TPCN2: variants seen among roughly 807,000 people sequenced by gnomAD.
TPCN2 encodes two pore segment channel 2.
In TPCN2, 92 loss-of-function variants were observed where a neutral mutation model predicts 111.4. That is an observed-to-expected ratio of 0.83 (90% CI 0.70 to 0.98). TPCN2 has a LOEUF of 0.98. TPCN2 is among the 50% of genes least tolerant of loss of function. The probability of loss-of-function intolerance (pLI) is 0.00; values close to 1 mark genes in which losing one functional copy is unlikely to be tolerated. For missense variants in TPCN2, 995 were observed against 980.1 expected (o/e 1.02, Z -0.20); for synonymous variants, 405 against 414.5 (o/e 0.98, Z 0.28).
At chr11:69,072,466 C>T (rs1314724869) in intron 11 of TPCN2, among the ~76,000 whole-genome samples, 161 bp from the exon 12 acceptor site, 1 of 151,904 alleles carries the variant, frequency 6.6e-6, no homozygotes, top group African/African-American at 2.4e-5. Flanking sequence ...GGGGGGACGG[C>T]AGTGGCAGGA....
intron 4 of TPCN2, among the ~76,000 whole-genome samples, chr11:69,057,079 C>T (rs1436279130): frequency 6.6e-6 from 1 of 152,108 alleles, no homozygotes; most frequent in Non-Finnish European, 1.5e-5. Flanking sequence ...CTTGAGTGAT[C>T]CGCCCACCTC....
At chr11:69,066,881 T>C (rs1379719495) in intron 7 of TPCN2, among the ~76,000 whole-genome samples, 1 of 152,142 alleles carries the variant, frequency 6.6e-6, no homozygotes, top group Non-Finnish European at 1.5e-5. Context: ...GCAGAGTTGC[T>C]TTCCGAGCAG....
rs3750973 is a variant in TPCN2, at chr11:69,057,569, A to G, written c.430-9A>G. ...CTACTTGCTGCTCACCCGCCCGTCT[A>G]TCTTGCAGGGTTACCTGTTCGGGTG... is the stretch of plus-strand genomic sequence containing the variant. On this transcript the variant is annotated splice_polypyrimidine_tract_variant and intron_variant, in intron 4 of 24. Transcript: ENST00000294309. 9.3e-6 allele frequency: 15 copies of G among 1,613,722 alleles called. No homozygotes were observed. The African/African-American group carries it at 1.1e-4, about 11-fold the overall frequency.
intron 8 of TPCN2, among the ~76,000 whole-genome samples, chr11:69,069,179 G>C (rs61881022): frequency 0.046 from 2,875 of 62,004 alleles, 2 homozygotes; most frequent in Non-Finnish European, 0.066. Flanking sequence ...AGGACTGTCT[G>C]AGTCCTAGCA....
Position 69,078,536 on chromosome 11 carries a change from T to C in TPCN2, c.1285T>C (p.Phe429Leu). ...GTTTCTGCAGAGCGCCCAGTTCCTC[T>C]TCGGCCACTACTACTTTGACTACCT... ...SPFLQSAQFL[F>L]GHYYFDYLGN... The change falls in exon 14 of 25, where the codon TTC becomes CTC. Residue 429 changes from phenylalanine to leucine, a missense_variant. Coordinates refer to ENST00000294309, the MANE Select transcript of TPCN2 (RefSeq NM_139075.4). 6.2e-7 allele frequency: 1 copy of C among 1,614,172 alleles called. No homozygotes were observed. The highest frequency in any genetic ancestry group is 8.5e-7 in the Non-Finnish European group (1 of 1,180,030).
intron 6 of TPCN2, 89 bp downstream of exon 6, chr11:69,063,079 C>A: frequency 8.4e-7 from 1 of 1,190,912 alleles, no homozygotes; most frequent in South Asian, 1.2e-5. Flanking sequence ...CCACCGGAGT[C>A]TCATCTTGGA....
At chr11:69,081,591 C>A in intron 18 of TPCN2, 92 bp downstream of exon 18, 2 of 951,368 alleles carry the variant, frequency 2.1e-6, no homozygotes, top group Non-Finnish European at 3.1e-6. Context: ...AGGAAGGGCC[C>A]GAGGACTGTG....
Position 69,072,716 on chromosome 11 carries a change from C to A in TPCN2, c.1143+8C>A. On this transcript the variant is annotated splice_region_variant and intron_variant, in intron 12 of 24. Transcript: ENST00000294309. Reference sequence around the variant, plus strand: ...AAACAGGCCATGATGGAGGTACCCGCCCCCTGCTCCCAGCCTCCTCTGGGC... The same window carrying A: ...AAACAGGCCATGATGGAGGTACCCGACCCCTGCTCCCAGCCTCCTCTGGGC... 1 of 1,613,090 alleles carries A rather than the reference C, an allele frequency of 6.2e-7. No individual in the cohort carries two copies. The highest frequency in any genetic ancestry group is 8.5e-7 in the Non-Finnish European group (1 of 1,179,600).
intron 1 of TPCN2, among the ~76,000 whole-genome samples, chr11:69,050,436 C>T (rs1009511829): frequency 5.3e-5 from 8 of 152,190 alleles, no homozygotes; most frequent in African/African-American, 1.4e-4. Flanking sequence ...AGTGCAGTGG[C>T]GTGATCTCGG....
At chr11:69,055,151 T>C in intron 3 of TPCN2, 24 bp from the exon 4 acceptor site, 1 of 1,610,346 alleles carries the variant, frequency 6.2e-7, no homozygotes, top group South Asian at 1.1e-5. Flanking sequence ...CTCCTGTGTT[T>C]TCATGTTTCT....
chr11:69,054,779 A>T lies in TPCN2; in HGVS notation c.233A>T (p.Tyr78Phe). The stretch of plus-strand genomic sequence containing the variant: ...TCGATGTGGCTTTACCGACGGTATT[A>T]CTCGAACGTATGCCAACGGTGAGAA... The part of the protein sequence containing the change: ...ASSMWLYRRY[Y>F]SNVCQRTLSF... The change falls in exon 3 of 25, where the codon TAC becomes TTC. Residue 78 changes from tyrosine (Y) to phenylalanine (F), a missense_variant. Transcript: ENST00000294309. 1 of 1,614,028 alleles carries T rather than the reference A, an allele frequency of 6.2e-7. No homozygotes were observed. Among genetic ancestry groups the T allele is most frequent in the Middle Eastern group, 1.6e-4 (1 of 6,062 alleles).
chr11:69,061,000 C>T (rs977073252), intron 5 of TPCN2, among the ~76,000 whole-genome samples: 4 of 152,192 alleles, frequency 2.6e-5, no homozygotes, highest in Non-Finnish European at 4.4e-5. Flanking sequence ...TTGGAGTGAG[C>T]GCTGGGGATC....
chr11:69,063,873 T>C, intron 6 of TPCN2, 22 bp from the exon 7 acceptor site: 1 of 1,612,774 alleles, frequency 6.2e-7, no homozygotes, highest in Non-Finnish European at 8.5e-7. Context: ...TGGCCCAGGC[T>C]GAGTGCCGTG....
chr11:69,074,322 GC>G (rs1310261478), intron 13 of TPCN2, among the ~76,000 whole-genome samples: 1 of 152,256 alleles, frequency 6.6e-6, no homozygotes, highest in Non-Finnish European at 1.5e-5. Context: ...GGCACCCCCA[GC>G]CCCTTGGGGC....
Position 69,055,267 on chromosome 11 carries a change from C to G in TPCN2, c.344C>G (p.Ala115Gly). Residue 115 changes from alanine to glycine, a missense_variant, in exon 4 of 25, where the codon GCT (alanine) becomes GGT (glycine). Coordinates refer to ENST00000294309, the MANE Select transcript of TPCN2 (RefSeq NM_139075.4). ...LTSTADVRYR[A>G]APWEPPCGLT... ...AGCACGGCGGACGTGCGCTACCGCG[C>G]TGCTCCCTGGGAGCCGCCCTGCGGC... 1 of 1,614,180 alleles carries G rather than the reference C, an allele frequency of 6.2e-7. No individual in the cohort carries two copies. Among genetic ancestry groups the G allele is most frequent in the Admixed American group, 1.7e-5 (1 of 60,030 alleles).
At chr11:69,064,879 G>A (rs536266711) in intron 7 of TPCN2, among the ~76,000 whole-genome samples, 2 of 150,024 alleles carry the variant, frequency 1.3e-5, no homozygotes, top group Admixed American at 6.6e-5. Flanking sequence ...GTCTGTGTGC[G>A]TGTTTGTATG....
At chr11:69,063,514 C>T (rs1565083983) in intron 6 of TPCN2, among the ~76,000 whole-genome samples, 1 of 152,238 alleles carries the variant, frequency 6.6e-6, no homozygotes, top group African/African-American at 2.4e-5. Flanking sequence ...CCCCTGCCGC[C>T]CTCCGCTCTT....
chr11:69,071,315 G>A (rs374242508), intron 9 of TPCN2, 41 bp from the exon 10 acceptor site: 3 of 1,574,602 alleles, frequency 1.9e-6, no homozygotes, highest in Non-Finnish European at 2.6e-6. Context: ...TTTTGCTGCT[G>A]TACTGGTGGC....
rs1861086523 is a variant in TPCN2 at position 69,048,956 on chromosome 11, G to A, written c.-42G>A. ...CGCAGTGAAGCTGGGCGCCTTCGGG[G>A]CTTGAGCTTCTGAGGGTCGGGTCCA... On this transcript the variant is annotated 5_prime_UTR_variant, in exon 1 of 25. Transcript: ENST00000294309. 8.3e-7 allele frequency: 1 copy of A among 1,204,530 alleles called. No individual in the cohort carries two copies. Among genetic ancestry groups the A allele is most frequent in the Non-Finnish European group, 1.0e-6 (1 of 959,888 alleles). 74.6% of individuals were successfully genotyped at this position (1,204,530 alleles called of 1,614,324 possible).
Sources: gnomAD v4.1 joint callset for allele counts (sites outside exome capture counted in the v4.1 genomes callset) on GRCh38, gnomAD v4.1.1 for gene constraint, MANE v1.5 for transcripts, NCBI Gene and HGNC (gene_info 2026-07-23, HGNC 2026-07-21) for gene names.